MCTP1: variants seen among roughly 807,000 people sequenced by gnomAD.
MCTP1 encodes multiple C2 and transmembrane domain-containing protein 1.
A neutral mutation model predicts 120.6 loss-of-function variants in MCTP1; 69 were observed. That is an observed-to-expected ratio of 0.57 (90% CI 0.47 to 0.70). The LOEUF (loss-of-function observed/expected upper bound fraction) is 0.70, where lower values mean the gene tolerates loss of function less well. Among genes scored for constraint, MCTP1 ranks in the 30% least tolerant of loss-of-function variants. The probability of loss-of-function intolerance (pLI) is 0.00; values close to 1 mark genes in which losing one functional copy is unlikely to be tolerated. For synonymous variants in MCTP1, 529 were observed against 493.1 expected (o/e 1.07, Z -0.96); for missense variants, 1,203 against 1,248.8 (o/e 0.96, Z 0.55).
At chr5:94,946,190 T>C (rs769703501) in intron 3 of MCTP1, among the ~76,000 whole-genome samples, 7 of 152,188 alleles carry the variant, frequency 4.6e-5, no homozygotes, top group Non-Finnish European at 8.8e-5. Context: ...TCATCATTAC[T>C]GCCTCAATAG....
In MCTP1 at chr5:94,870,408, G is replaced by A. The variant is rs775744631; in HGVS notation, c.2316+9C>T. On this transcript the variant is annotated intron_variant, in intron 16 of 22. Transcript: ENST00000515393. ...TTCCCAGAGGGATTAATCTTTTCTT[G>A]CTTTTTACCTGTTTAGAGAGTCTGT... 1.5e-5 allele frequency: 24 copies of A among 1,579,312 alleles called. No homozygotes were observed. Among genetic ancestry groups the A allele is most frequent in the Non-Finnish European group, 2.1e-5 (24 of 1,149,492 alleles).
At chr5:95,132,322 G>A (rs922752456) in intron 1 of MCTP1, among the ~76,000 whole-genome samples, 3 of 152,172 alleles carry the variant, frequency 2.0e-5, no homozygotes, top group African/African-American at 7.2e-5. Context: ...AGTGCCACTG[G>A]TATAGTTAGG....
rs72777367 is a variant in MCTP1, at chr5:94,996,653, T to C, written c.838+20714A>G. ...GTTTATGGTATAATGGCAAGAAAAA[T>C]TGTACATGTTCAGTAGAGATGCAAC... On this transcript the variant is annotated intron_variant, in intron 2 of 22. Coordinates refer to ENST00000515393, the MANE Select transcript of MCTP1 (RefSeq NM_024717.7). 6.5e-3 allele frequency among the ~76,000 whole-genome samples: 984 copies of C among 152,182 alleles called. 5 individuals carry two copies. Among genetic ancestry groups the C allele is most frequent in the Non-Finnish European group, 0.011 (739 of 67,992 alleles).
At chr5:94,967,149 T>C (rs1314930413) in intron 2 of MCTP1, among the ~76,000 whole-genome samples, 1 of 152,182 alleles carries the variant, frequency 6.6e-6, no homozygotes, top group African/African-American at 2.4e-5. Context: ...GCATTTTGCT[T>C]CTTGCTCCCT....
At chr5:94,757,182 C>G (rs1472944435) in intron 19 of MCTP1, among the ~76,000 whole-genome samples, 1 of 152,156 alleles carries the variant, frequency 6.6e-6, no homozygotes, top group African/African-American at 2.4e-5. Flanking sequence ...TGGGCGTACA[C>G]AAACACATAC....
Position 95,126,278 on chromosome 5 carries a change from C to T in MCTP1, c.721-108794G>A, listed in dbSNP as rs146690438. Among the ~76,000 whole-genome samples, 387 of 152,230 alleles carry T rather than the reference C, an allele frequency of 2.5e-3. 3 individuals are homozygous for T. The highest frequency in any genetic ancestry group is 8.8e-3 in the African/African-American group (364 of 41,524). On this transcript the variant is annotated intron_variant, in intron 1 of 22. Transcript: ENST00000515393. The stretch of plus-strand genomic sequence containing the variant: ...GCTGCAGACAATTTCTGTGTTCCTC[C>T]CACTTATTGATTAGTATCAATAATG...
chr5:95,005,329 G>C (rs993264099), intron 2 of MCTP1, among the ~76,000 whole-genome samples: 4 of 152,122 alleles, frequency 2.6e-5, no homozygotes, highest in African/African-American at 9.7e-5. Flanking sequence ...CTTTGGACTT[G>C]GACTTTTGAG....
At chr5:94,836,643 G>C (rs1442976012) in intron 17 of MCTP1, among the ~76,000 whole-genome samples, 1 of 152,164 alleles carries the variant, frequency 6.6e-6, no homozygotes, top group Non-Finnish European at 1.5e-5. Flanking sequence ...CCTTTGTCTT[G>C]GGAATAGATT....
Position 95,095,006 on chromosome 5 carries a change from A to ATTTTTTTT in MCTP1, c.721-77530_721-77523dup, listed in dbSNP as rs756132693. On this transcript the variant is annotated intron_variant, in intron 1 of 22. Transcript: ENST00000515393. The stretch of plus-strand genomic sequence containing the variant: ...TTTTTTCTTTTATTTGTTATGTTAG[A>ATTTTTTTT]TTTTTTTTTTTTTTTTTTTTTTTTT... 6.0e-4 allele frequency among the ~76,000 whole-genome samples: 22 copies of ATTTTTTTT among 36,964 alleles called. 5 individuals carry two copies. Among genetic ancestry groups the ATTTTTTTT allele is most frequent in the African/African-American group, 2.5e-3 (20 of 8,046 alleles). The allele number at this position is 36,964 out of a possible 152,430, so 24.2% of individuals were successfully genotyped here. A position where few individuals can be genotyped will look rare whatever the true frequency, so the allele number is the denominator to read the frequency against.
chr5:94,809,079 C>A (rs75252678), intron 17 of MCTP1, among the ~76,000 whole-genome samples: 15,618 of 151,866 alleles, frequency 0.1, 943 homozygotes, highest in African/African-American at 0.15. Context: ...GTGCTACATA[C>A]AAGCCACAAA....
At position 94,886,885 on chromosome 5, in the gene MCTP1, G is replaced by A. The variant is rs577823635; in HGVS notation, c.1933+1994C>T. Among the ~76,000 whole-genome samples, 40 of 152,236 alleles carry A rather than the reference G, an allele frequency of 2.6e-4. 1 individual carries two copies. The highest frequency in any genetic ancestry group is 5.9e-4 in the Admixed American group (9 of 15,282). On this transcript the variant is annotated intron_variant, in intron 12 of 22. Transcript: ENST00000515393. ...GATACATGTGTGCGTGTGTGTGTGT[G>A]TATATATAAAGTATCCTTTTCAAAA...
At chr5:95,061,459 G>T (rs914303769) in intron 1 of MCTP1, among the ~76,000 whole-genome samples, 1 of 34,934 alleles carries the variant, frequency 2.9e-5, no homozygotes, top group Non-Finnish European at 5.6e-5. Flanking sequence ...TTTTTGAGAC[G>T]GAGTCTCGCT....
chr5:95,061,889 G>C (rs1003156752), intron 1 of MCTP1, among the ~76,000 whole-genome samples: 6 of 152,138 alleles, frequency 3.9e-5, no homozygotes, highest in African/African-American at 1.4e-4. Context: ...TGAGTCACAG[G>C]CATATATGCC....
intron 19 of MCTP1, among the ~76,000 whole-genome samples, chr5:94,759,862 G>T (rs1282045906): frequency 3.1e-5 from 2 of 64,160 alleles, no homozygotes; most frequent in African/African-American, 6.5e-5. Context: ...GTCTTTTTTT[G>T]TTCTTTCTTT....
intron 19 of MCTP1, among the ~76,000 whole-genome samples, chr5:94,739,802 G>A (rs946304210): frequency 6.6e-6 from 1 of 152,086 alleles, no homozygotes; most frequent in African/African-American, 2.4e-5. Flanking sequence ...CGAGTAGCTG[G>A]GATTACTGAT....
chr5:94,798,685 A>C (rs532613115), intron 18 of MCTP1, among the ~76,000 whole-genome samples: 1 of 152,288 alleles, frequency 6.6e-6, no homozygotes, highest in African/African-American at 2.4e-5. Flanking sequence ...ATTGTATCTT[A>C]AATCAGGATT....
intron 17 of MCTP1, among the ~76,000 whole-genome samples, chr5:94,842,837 A>G (rs1791438627): frequency 6.6e-6 from 1 of 152,170 alleles, no homozygotes. Context: ...AGGCTTTGTG[A>G]AAATTTAGAG....
rs541642179 is a variant in MCTP1, at chr5:95,157,493, C to T, written c.720+126363G>A. Among the ~76,000 whole-genome samples, 146 of 152,106 alleles carry T rather than the reference C, an allele frequency of 9.6e-4. 1 individual carries two copies. Among genetic ancestry groups the T allele is most frequent in the Admixed American group, 3.4e-3 (52 of 15,280 alleles). On this transcript the variant is annotated intron_variant, in intron 1 of 22. Coordinates refer to ENST00000515393, the MANE Select transcript of MCTP1 (RefSeq NM_024717.7). ...AAATGAATTCAGCTGCCCTGTAGAC[C>T]CATATAGAAAACTAGGAAACAGAAA...
At chr5:95,073,400 A>G (rs1752739784) in intron 1 of MCTP1, among the ~76,000 whole-genome samples, 2 of 152,040 alleles carry the variant, frequency 1.3e-5, no homozygotes, top group African/African-American at 4.8e-5. Context: ...TCATTGCTGC[A>G]TTTTGTGACT....
Sources: gnomAD v4.1 joint callset for allele counts (sites outside exome capture counted in the v4.1 genomes callset) on GRCh38, gnomAD v4.1.1 for gene constraint, MANE v1.5 for transcripts, NCBI Gene and HGNC (gene_info 2026-07-23, HGNC 2026-07-21) for gene names.